The following SNRPN variants were observed in gnomAD, a reference collection of about 807,000 sequenced individuals.
SNRPN encodes the protein small nuclear ribonucleoprotein polypeptide N.
In SNRPN, 7 loss-of-function variants were observed where a neutral mutation model predicts 25.2. The observed-to-expected ratio is 0.28, with a 90% CI of 0.16 to 0.52. The LOEUF (loss-of-function observed/expected upper bound fraction) is 0.52. Among genes scored for constraint, SNRPN ranks in the 20% least tolerant of loss-of-function variants. The pLI is 0.96. For synonymous variants in SNRPN, 124 were observed against 110.6 expected, an observed-to-expected ratio of 1.12 and a Z score of -0.76; for missense variants, 196 against 322.5, an observed-to-expected ratio of 0.61 and a Z score of 3.00.
chr15:24,855,400 T>G (rs2053292909), upstream of SNRPN, among the ~76,000 whole-genome samples: 1 of 152,316 alleles, frequency 6.6e-6, no homozygotes, highest in South Asian at 2.1e-4. Flanking sequence ...TGAAACTTGA[T>G]TTTGACTGAG....
chr15:24,878,896 A>G (rs1044666257), intron 1 of SNRPN, among the ~76,000 whole-genome samples: 2 of 152,058 alleles, frequency 1.3e-5, no homozygotes, highest in Non-Finnish European at 2.9e-5. Flanking sequence ...CCACTAATAT[A>G]CCTTTAATAT....
rs574586203 is a variant in SNRPN, at chr15:24,934,638, A to T, written c.-391+14514A>T. ...CAGTGGCGTCATCTCAGCTCACTGC[A>T]ACCTCCACCCGCCGGGCTCAAGCAA... On this transcript the variant is annotated intron_variant, in intron 3 of 11. Coordinates refer to the SNRPN transcript ENST00000400097. 3.3e-5 allele frequency among the ~76,000 whole-genome samples: 5 copies of T among 152,296 alleles called. No homozygotes were observed. The South Asian group carries it at 1.0e-3, about 32-fold the overall frequency.
chr15:24,875,591 C>T (rs1248093108), intron 1 of SNRPN, among the ~76,000 whole-genome samples: 1 of 152,088 alleles, frequency 6.6e-6, no homozygotes, highest in Non-Finnish European at 1.5e-5. Flanking sequence ...ATAGAAAAAT[C>T]AATTTTCCCC....
chr15:24,904,298 T>G (rs1298033175), intron 2 of SNRPN, among the ~76,000 whole-genome samples: 5 of 152,114 alleles, frequency 3.3e-5, no homozygotes, highest in Non-Finnish European at 7.4e-5. Context: ...TGATTTCAAT[T>G]ACAAACATGG....
upstream of SNRPN, among the ~76,000 whole-genome samples, chr15:24,853,265 A>T (rs1378031975): frequency 1.3e-5 from 2 of 152,128 alleles, no homozygotes; most frequent in Non-Finnish European, 2.9e-5. Context: ...CCATTTTTTG[A>T]TTCTGGAATC....
intron 1 of SNRPN, among the ~76,000 whole-genome samples, chr15:24,874,395 G>C (rs1248901621): frequency 2.7e-5 from 4 of 150,578 alleles, no homozygotes; most frequent in African/African-American, 9.8e-5. Context: ...ACCAATGTCA[G>C]AGTGGAAAAT....
At chr15:24,965,685 T>C (rs2075513859) in intron 2 of SNRPN, among the ~76,000 whole-genome samples, 1 of 152,144 alleles carries the variant, frequency 6.6e-6, no homozygotes, top group Non-Finnish European at 1.5e-5. Flanking sequence ...GCTGGAGAGT[T>C]GTCTTAATAT....
At chr15:24,881,368 C>CAA (rs71127009) in intron 1 of SNRPN, among the ~76,000 whole-genome samples, 5,525 of 146,378 alleles carry the variant, frequency 0.038, 328 homozygotes, top group African/African-American at 0.13. Flanking sequence ...ACTAAAAATA[C>CAA]AAAAAAAAAA....
chr15:24,902,905 T>C (rs1339888897), intron 2 of SNRPN, among the ~76,000 whole-genome samples: 1 of 152,226 alleles, frequency 6.6e-6, no homozygotes, highest in Admixed American at 6.5e-5. Flanking sequence ...CCCAGTGGGT[T>C]GCCACTGCTG....
Position 24,970,532 on chromosome 15 carries a change from T to G in SNRPN, c.-144+2450T>G, listed in dbSNP as rs369632354. Among the ~76,000 whole-genome samples, 3 of 152,260 alleles carry G rather than the reference T, an allele frequency of 2.0e-5. No individual in the cohort carries two copies. The East Asian group carries it at 5.8e-4, about 29-fold the overall frequency. On this transcript the variant is annotated intron_variant, in intron 3 of 9. Transcript: ENST00000390687. ...GGGCAGAGGTTGCATTGAGCAGAGA[T>G]TGTGCCACTGCGCTTCAGCCTGCGT...
chr15:24,922,037 TAAAAAAAAAAAA>T (rs67089476), intron 3 of SNRPN, among the ~76,000 whole-genome samples: 2,177 of 94,424 alleles, frequency 0.023, 62 homozygotes, highest in African/African-American at 0.08. Flanking sequence ...CCGTCTCTAC[TAAAAAAAAAAAA>T]AAAAAAAAAA....
chr15:24,836,665 G>A (rs2051227338), intron 2 of SNRPN, among the ~76,000 whole-genome samples: 1 of 152,024 alleles, frequency 6.6e-6, no homozygotes, highest in African/African-American at 2.4e-5. Flanking sequence ...CGCCCTGCTC[G>A]GCCTCCCAGA....
intron 3 of SNRPN, among the ~76,000 whole-genome samples, chr15:24,945,299 C>T (rs2061805860): frequency 6.7e-6 from 1 of 149,478 alleles, no homozygotes; most frequent in Admixed American, 6.8e-5. Context: ...TTCCTTGGAT[C>T]CTTTCCTCCT....
chr15:24,852,921 G>A (rs2053009915), upstream of SNRPN, among the ~76,000 whole-genome samples: 1 of 152,086 alleles, frequency 6.6e-6, no homozygotes, highest in South Asian at 2.1e-4. Flanking sequence ...GCAAGAGAGT[G>A]AGACCATATC....
intron 2 of SNRPN, among the ~76,000 whole-genome samples, chr15:24,835,866 T>C (rs2142293582): frequency 6.6e-6 from 1 of 152,236 alleles, no homozygotes; most frequent in South Asian, 2.1e-4. Flanking sequence ...GGTCTCGCTT[T>C]GTTGCCCAGG....
upstream of SNRPN, among the ~76,000 whole-genome samples, chr15:24,951,799 C>T (rs560769670): frequency 7.2e-5 from 11 of 152,274 alleles, 1 homozygote; most frequent in South Asian, 1.0e-3. Flanking sequence ...TGAGTCACTG[C>T]GCCCAGCCAA....
chr15:24,955,739 T>G (rs1596149968), intron 1 of SNRPN, among the ~76,000 whole-genome samples: 8 of 137,586 alleles, frequency 5.8e-5, no homozygotes, highest in Admixed American at 1.4e-4. Flanking sequence ...GGCTGGGAGG[T>G]AGGGGGAAGG....
At chr15:24,848,219 C>A (rs1595440626) in intron 2 of SNRPN, 1 of 42,808 alleles carries the variant, frequency 2.3e-5, no homozygotes, top group Admixed American at 3.3e-4. Context: ...AGCTGGGGGG[C>A]GGGGGCGGCG....
intron 2 of SNRPN, among the ~76,000 whole-genome samples, chr15:24,846,435 G>C (rs1268083179): frequency 6.6e-6 from 1 of 152,026 alleles, no homozygotes; most frequent in Non-Finnish European, 1.5e-5. Context: ...TCCTTTATTT[G>C]AGGCATTTGT....
Sources: allele counts gnomAD v4.1 joint callset (sites outside exome capture counted in the v4.1 genomes callset), GRCh38; gene constraint gnomAD v4.1.1; transcripts MANE v1.5; gene names NCBI Gene and HGNC (gene_info 2026-07-23, HGNC 2026-07-21).